Variants in IL1RAPL2 observed in about 807,000 individuals in gnomAD.
The protein encoded by IL1RAPL2 is X-linked interleukin-1 receptor accessory protein-like 2.
Under a neutral mutation model 44.1 loss-of-function variants are expected in IL1RAPL2, and 3 were observed. That is an observed-to-expected ratio of 0.07 (90% CI 0.03 to 0.18). IL1RAPL2 has a LOEUF of 0.18. IL1RAPL2 is among the 10% of genes least tolerant of loss of function. The pLI is 1.00. For synonymous variants in IL1RAPL2, 181 were observed against 178.8 expected (o/e 1.01, Z -0.10); for missense variants, 391 against 496.4 (o/e 0.79, Z 2.02).
At chrX:105,665,780 C>T (rs1245306730) in intron 6 of IL1RAPL2, among the ~76,000 whole-genome samples, 2 of 90,525 alleles carry the variant, frequency 2.2e-5, no homozygotes, top group African/African-American at 9.0e-5. Flanking sequence ...TGTTGTTTTC[C>T]GAGATGGAGT....
At chrX:105,715,590 G>C (rs2038250347) in intron 6 of IL1RAPL2, among the ~76,000 whole-genome samples, 1 of 111,545 alleles carries the variant, frequency 9.0e-6, no homozygotes, top group Non-Finnish European at 1.9e-5. Flanking sequence ...CTCAAAGTAA[G>C]AGAAAGGAGT....
chrX:105,177,751 T>A (rs1184725496), intron 2 of IL1RAPL2, among the ~76,000 whole-genome samples: 18 of 112,291 alleles, frequency 1.6e-4, no homozygotes, highest in Non-Finnish European at 3.4e-4. Context: ...CAATTTTATA[T>A]AAGAAATGTT....
chrX:104,670,207 AGTCTGTGG>A (rs1468883882), intron 2 of IL1RAPL2, among the ~76,000 whole-genome samples: 7 of 111,592 alleles, frequency 6.3e-5, no homozygotes, highest in African/African-American at 2.3e-4. Flanking sequence ...TGCGGCCTTC[AGTCTGTGG>A]CTGAAGGCCT....
chrX:104,914,586 T>C (rs1924354631), intron 2 of IL1RAPL2, among the ~76,000 whole-genome samples: 1 of 111,429 alleles, frequency 9.0e-6, no homozygotes, highest in African/African-American at 3.3e-5. Context: ...ATTATTATAT[T>C]TTAAGTTTTA....
chrX:105,077,622 A>T (rs1237800560), intron 2 of IL1RAPL2, among the ~76,000 whole-genome samples: 1 of 111,831 alleles, frequency 8.9e-6, no homozygotes, highest in African/African-American at 3.3e-5. Context: ...TCTCCTGGAT[A>T]ATATCCTGCA....
intron 6 of IL1RAPL2, among the ~76,000 whole-genome samples, chrX:105,532,963 G>A (rs1308804964): frequency 3.6e-5 from 4 of 110,445 alleles, no homozygotes; most frequent in South Asian, 3.8e-4. Context: ...AGGCCGAGGC[G>A]GGTGGATCAC....
intron 6 of IL1RAPL2, among the ~76,000 whole-genome samples, chrX:105,587,282 C>A (rs377653511): frequency 9.0e-6 from 1 of 110,754 alleles, no homozygotes; most frequent in Admixed American, 9.6e-5. Flanking sequence ...TTTAATTCTG[C>A]TTTTCTATAG....
intron 5 of IL1RAPL2, among the ~76,000 whole-genome samples, chrX:105,358,037 T>TAAAAAAAA (rs774626399): frequency 4.9e-5 from 2 of 40,802 alleles, no homozygotes; most frequent in African/African-American, 1.5e-4. Flanking sequence ...ATCCTATTTC[T>TAAAAAAAA]AAAAAAAAAA....
chrX:104,615,790 G>C (rs761968772), intron 1 of IL1RAPL2, among the ~76,000 whole-genome samples: 1 of 111,979 alleles, frequency 8.9e-6, no homozygotes, highest in East Asian at 2.8e-4. Flanking sequence ...CTAGATCTTT[G>C]AGAAATCACC....
At chrX:105,192,252 T>C (rs148944105) in intron 2 of IL1RAPL2, among the ~76,000 whole-genome samples, 1,368 of 112,276 alleles carry the variant, frequency 0.012, 26 homozygotes, top group African/African-American at 0.042. Context: ...AAATCTGACT[T>C]GCATGCATTA....
At chrX:104,952,158 G>T (rs1289698035) in intron 2 of IL1RAPL2, among the ~76,000 whole-genome samples, 1 of 112,132 alleles carries the variant, frequency 8.9e-6, no homozygotes, top group East Asian at 2.8e-4. Flanking sequence ...TGGTTTTTCA[G>T]CACAAAATAC....
chrX:105,123,991 A>G (rs959722136), intron 2 of IL1RAPL2, among the ~76,000 whole-genome samples: 16 of 110,587 alleles, frequency 1.4e-4, no homozygotes, highest in African/African-American at 5.3e-4. Flanking sequence ...GGAGGTAGCA[A>G]ATTCTCATCA....
chrX:105,503,558 A>G (rs949387322), intron 6 of IL1RAPL2, among the ~76,000 whole-genome samples: 1 of 111,563 alleles, frequency 9.0e-6, no homozygotes, highest in Admixed American at 9.5e-5. Context: ...ATTTACCTCA[A>G]GGAGACAGTG....
chrX:104,729,712 T>A (rs1389791867), intron 2 of IL1RAPL2, among the ~76,000 whole-genome samples: 1 of 109,687 alleles, frequency 9.1e-6, no homozygotes, highest in East Asian at 2.9e-4. Flanking sequence ...CATGTGTCCA[T>A]GTGTTCTCAT....
At chrX:105,753,006 T>C (rs1215097482) in intron 9 of IL1RAPL2, 10 of 329,154 alleles carry the variant, frequency 3.0e-5, no homozygotes, top group Non-Finnish European at 3.5e-5. Flanking sequence ...TCCAGATGTG[T>C]TGGGTGTTAA....
At chrX:105,025,567 T>A (rs2031356531) in intron 2 of IL1RAPL2, among the ~76,000 whole-genome samples, 1 of 111,228 alleles carries the variant, frequency 9.0e-6, no homozygotes, top group Non-Finnish European at 1.9e-5. Context: ...TCTTTTTGGG[T>A]ATGGGGCTGT....
At chrX:105,406,512 A>C in intron 5 of IL1RAPL2, 1 of 1,198,060 alleles carries the variant, frequency 8.3e-7, no homozygotes, top group Non-Finnish European at 1.1e-6. Context: ...TTTGCTAGCA[A>C]CTCCAACCAA....
rs371259582 is a variant in IL1RAPL2 at position 105,294,421 on chromosome X, A to G, written c.697+26880A>G. 1.7e-4 allele frequency among the ~76,000 whole-genome samples: 19 copies of G among 112,265 alleles called. 1 individual carries two copies. In the East Asian group the frequency reaches 5.0e-3, roughly 30 times the overall value. On this transcript the variant is annotated intron_variant, in intron 5 of 10. Transcript: ENST00000372582. ...GAAAAATACAACAAATGAAATTTTA[A>G]GGGTAGAGGAAGAGTCACAGCAACA...
At chrX:104,579,388 T>G (rs1302812396) in intron 1 of IL1RAPL2, among the ~76,000 whole-genome samples, 1 of 111,971 alleles carries the variant, frequency 8.9e-6, no homozygotes, top group African/African-American at 3.2e-5. Context: ...ATGTAGTACA[T>G]ATATACCATG....
Sources: allele counts gnomAD v4.1 joint callset (sites outside exome capture counted in the v4.1 genomes callset), GRCh38; gene constraint gnomAD v4.1.1; transcripts MANE v1.5; gene names NCBI Gene and HGNC (gene_info 2026-07-23, HGNC 2026-07-21).